Variants in DGKB observed in about 807,000 individuals in gnomAD.
DGKB encodes 90 kDa diacylglycerol kinase.
In DGKB, 67 loss-of-function variants were observed where a neutral mutation model predicts 114.3. The observed-to-expected ratio is 0.59, with a 90% CI of 0.48 to 0.72. The LOEUF (loss-of-function observed/expected upper bound fraction) is 0.72. Ranked by LOEUF, DGKB falls within the 30% of genes least tolerant of loss-of-function variation. DGKB has a pLI of 0.00. For synonymous variants in DGKB, 398 were observed against 323.1 expected (o/e 1.23, Z -2.49); for missense variants, 907 against 975.2 (o/e 0.93, Z 0.93).
At chr7:14,545,329 C>T (rs984389562) in intron 20 of DGKB, among the ~76,000 whole-genome samples, 7 of 152,006 alleles carry the variant, frequency 4.6e-5, no homozygotes, top group East Asian at 1.9e-4. Context: ...TATGAGTGTT[C>T]GACCATGTTC....
chr7:14,281,892 G>A (rs1270429420), intron 23 of DGKB, among the ~76,000 whole-genome samples: 11 of 139,390 alleles, frequency 7.9e-5, no homozygotes, highest in East Asian at 6.6e-4. Context: ...AGCACTAAAT[G>A]CCCACAAGAG....
chr7:14,653,539 A>T (rs1314027454), intron 13 of DGKB, among the ~76,000 whole-genome samples: 1 of 152,038 alleles, frequency 6.6e-6, no homozygotes, highest in Non-Finnish European at 1.5e-5. Context: ...TAGCATCGGG[A>T]GATATACCTA....
intron 21 of DGKB, among the ~76,000 whole-genome samples, chr7:14,362,193 A>C (rs1251541211): frequency 1.3e-5 from 2 of 152,086 alleles, no homozygotes; most frequent in Non-Finnish European, 2.9e-5. Flanking sequence ...AATGTTCATA[A>C]AATAAATCAT....
At chr7:14,155,684 A>C (rs1052671610) in intron 25 of DGKB, among the ~76,000 whole-genome samples, 2 of 152,088 alleles carry the variant, frequency 1.3e-5, no homozygotes, top group African/African-American at 4.8e-5. Context: ...AGTACAGGAT[A>C]CGATGGGTGA....
At chr7:14,790,735 G>C (rs10277225) in intron 2 of DGKB, among the ~76,000 whole-genome samples, 55,689 of 151,934 alleles carry the variant, frequency 0.37, 11,750 homozygotes, top group African/African-American at 0.59. Flanking sequence ...AAATTGGGTA[G>C]ACAAATTCCT....
At chr7:14,243,249 T>C (rs1793950928) in intron 23 of DGKB, among the ~76,000 whole-genome samples, 1 of 152,068 alleles carries the variant, frequency 6.6e-6, no homozygotes, top group Non-Finnish European at 1.5e-5. Context: ...CCTACTTAAG[T>C]GTGGGAAACA....
chr7:14,379,399 GTTT>G (rs754264385), intron 21 of DGKB, among the ~76,000 whole-genome samples: 19 of 139,454 alleles, frequency 1.4e-4, no homozygotes, highest in African/African-American at 3.0e-4. Flanking sequence ...AAATTATGGA[GTTT>G]TTTTTTTTTT....
At chr7:14,809,872 C>G (rs1054404467) in intron 2 of DGKB, among the ~76,000 whole-genome samples, 1 of 152,046 alleles carries the variant, frequency 6.6e-6, no homozygotes, top group African/African-American at 2.4e-5. Flanking sequence ...TTCAGCATCC[C>G]CTAGCAATTT....
At chr7:14,416,045 GT>G (rs1389160786) in intron 21 of DGKB, among the ~76,000 whole-genome samples, 3 of 152,036 alleles carry the variant, frequency 2.0e-5, no homozygotes, top group Non-Finnish European at 4.4e-5. Flanking sequence ...TTTTTCATGT[GT>G]TTTTTGGCTG....
chr7:14,932,947 T>G (rs1187628123), intron 1 of DGKB, among the ~76,000 whole-genome samples: 1 of 152,170 alleles, frequency 6.6e-6, no homozygotes, highest in Non-Finnish European at 1.5e-5. Context: ...TAATACCAAA[T>G]GGCACTGGAG....
chr7:14,383,870 G>C (rs1015356405), intron 21 of DGKB, among the ~76,000 whole-genome samples: 1 of 152,200 alleles, frequency 6.6e-6, no homozygotes, highest in Admixed American at 6.5e-5. Flanking sequence ...GAAAGAGAGC[G>C]TGGTTATTAA....
intron 23 of DGKB, among the ~76,000 whole-genome samples, chr7:14,244,881 G>A (rs1350935463): frequency 2.0e-5 from 3 of 151,924 alleles, no homozygotes; most frequent in Admixed American, 6.6e-5. Context: ...CCAGAACTGT[G>A]AGAAGTAAAT....
intron 1 of DGKB, among the ~76,000 whole-genome samples, chr7:14,973,465 T>G (rs979433130): frequency 2.0e-5 from 3 of 151,508 alleles, no homozygotes; most frequent in Admixed American, 1.3e-4. Flanking sequence ...TTAATCATAC[T>G]ATTTCTTTTT....
At chr7:14,735,668 A>T (rs1302157069) in intron 5 of DGKB, among the ~76,000 whole-genome samples, 1 of 152,228 alleles carries the variant, frequency 6.6e-6, no homozygotes, top group African/African-American at 2.4e-5. Flanking sequence ...GCAATTAGCA[A>T]AATAGATATT....
At chr7:14,661,596 C>A (rs540279464) in intron 13 of DGKB, among the ~76,000 whole-genome samples, 1 of 152,046 alleles carries the variant, frequency 6.6e-6, no homozygotes, top group Non-Finnish European at 1.5e-5. Context: ...AACACTTTTA[C>A]ACTGCTGGTA....
intron 2 of DGKB, among the ~76,000 whole-genome samples, chr7:14,795,762 A>C (rs554620243): frequency 6.6e-6 from 1 of 152,234 alleles, no homozygotes; most frequent in African/African-American, 2.4e-5. Flanking sequence ...TGACCTATGG[A>C]CCTATGGACT....
At chr7:14,745,868 T>C (rs1025629626) in intron 4 of DGKB, among the ~76,000 whole-genome samples, 8 of 152,184 alleles carry the variant, frequency 5.3e-5, no homozygotes, top group Non-Finnish European at 1.0e-4. Flanking sequence ...GGAGCAAAAA[T>C]TCCTGCATCA....
At chr7:14,563,918 G>A (rs1797031327) in intron 20 of DGKB, among the ~76,000 whole-genome samples, 6 of 152,052 alleles carry the variant, frequency 3.9e-5, no homozygotes, top group Admixed American at 2.6e-4. Context: ...TGCTCAGCCA[G>A]GGGAATGAAA....
At chr7:14,473,494 G>A (rs1781721085) in intron 21 of DGKB, among the ~76,000 whole-genome samples, 1 of 152,216 alleles carries the variant, frequency 6.6e-6, no homozygotes, top group East Asian at 1.9e-4. Flanking sequence ...ATGAGGAAGG[G>A]AAATGTGGGG....
Sources: gnomAD v4.1 joint callset for allele counts (sites outside exome capture counted in the v4.1 genomes callset) on GRCh38, gnomAD v4.1.1 for gene constraint, MANE v1.5 for transcripts, NCBI Gene and HGNC (gene_info 2026-07-23, HGNC 2026-07-21) for gene names.